RPH3A: variants seen among roughly 807,000 people sequenced by gnomAD.
The protein encoded by RPH3A is rabphilin-3A.
Under a neutral mutation model 102.2 loss-of-function variants are expected in RPH3A, and 48 were observed. The ratio of observed to expected loss-of-function variants is 0.47; its 90% CI spans 0.37 to 0.60. The LOEUF (loss-of-function observed/expected upper bound fraction) is 0.60, where lower values mean the gene tolerates loss of function less well. Among genes scored for constraint, RPH3A ranks in the 20% least tolerant of loss-of-function variants. RPH3A has a pLI of 0.00. For missense variants in RPH3A, 781 were observed against 910.1 expected (o/e 0.86, Z 1.83); for synonymous variants, 310 against 324.3 (o/e 0.96, Z 0.47).
chr12:112,871,264 C>T (rs1274253327), intron 10 of RPH3A, among the ~76,000 whole-genome samples: 3 of 152,172 alleles, frequency 2.0e-5, no homozygotes, highest in Non-Finnish European at 2.9e-5. Context: ...AGTACATTCA[C>T]ACGGTTACAC....
chr12:112,747,334 T>G, intron 1 of RPH3A, among the ~76,000 whole-genome samples: 1 of 152,182 alleles, frequency 6.6e-6, no homozygotes, highest in East Asian at 1.9e-4. Flanking sequence ...GAGGACACAG[T>G]GAAAAGACGG....
chr12:112,651,471 C>A (rs2039974783), intron 1 of RPH3A, among the ~76,000 whole-genome samples: 1 of 152,178 alleles, frequency 6.6e-6, no homozygotes, highest in Non-Finnish European at 1.5e-5. Flanking sequence ...TTAAAAACTT[C>A]ATTATATTAT....
intron 1 of RPH3A, among the ~76,000 whole-genome samples, chr12:112,577,521 T>C (rs113248120): frequency 6.6e-6 from 1 of 152,230 alleles, no homozygotes; most frequent in Admixed American, 6.5e-5. Context: ...TTCTTTACCA[T>C]ATGCTGTTTC....
intron 2 of RPH3A, among the ~76,000 whole-genome samples, chr12:112,809,995 A>G (rs1044965956): frequency 2.0e-5 from 3 of 152,176 alleles, no homozygotes; most frequent in Non-Finnish European, 4.4e-5. Context: ...TCAGTTTTCT[A>G]TGGCTTCGGT....
chr12:112,861,401 A>G (rs918492160), intron 5 of RPH3A, among the ~76,000 whole-genome samples: 4 of 152,166 alleles, frequency 2.6e-5, no homozygotes, highest in African/African-American at 9.7e-5. Context: ...GTAACTGCAT[A>G]TGTGCAGCTT....
intron 1 of RPH3A, among the ~76,000 whole-genome samples, chr12:112,660,809 A>T (rs576698913): frequency 6.6e-6 from 1 of 152,302 alleles, no homozygotes; most frequent in South Asian, 2.1e-4. Flanking sequence ...AGGGGTTCAA[A>T]TCTATGAAGT....
intron 17 of RPH3A, 99 bp downstream of exon 17, chr12:112,888,022 T>C: frequency 2.2e-6 from 3 of 1,392,538 alleles, no homozygotes; most frequent in South Asian, 2.6e-5. Flanking sequence ...CACGGGGTAT[T>C]GGGTAGCAGA....
intron 1 of RPH3A, among the ~76,000 whole-genome samples, chr12:112,671,275 G>GA (rs2040127395): frequency 6.6e-6 from 1 of 152,174 alleles, no homozygotes; most frequent in South Asian, 2.1e-4. Flanking sequence ...GAGAGTCTTG[G>GA]AAAGCAGTCC....
rs76292773 is a variant in RPH3A at position 112,802,685 on chromosome 12, C to T, written c.-19+10422C>T. On this transcript the variant is annotated intron_variant, in intron 2 of 21. Transcript: ENST00000389385. ...TCCCCTGGCTCAGGCTGAGACGTTG[C>T]CCCCCTCTTAAATGGCTACTTCCCA... Among the ~76,000 whole-genome samples, 28 of 151,970 alleles carry T rather than the reference C, an allele frequency of 1.8e-4. No individual in the cohort carries two copies. In the East Asian group the frequency reaches 5.2e-3, roughly 28 times the overall value.
At chr12:112,615,396 C>T (rs1337319216) in intron 1 of RPH3A, among the ~76,000 whole-genome samples, 1 of 152,206 alleles carries the variant, frequency 6.6e-6, no homozygotes, top group African/African-American at 2.4e-5. Flanking sequence ...TTCTCTCAGC[C>T]TCCTGGCACT....
chr12:112,836,523 AT>A, intron 4 of RPH3A, 21 bp downstream of exon 4: 1 of 1,225,514 alleles, frequency 8.2e-7, no homozygotes, highest in Non-Finnish European at 1.1e-6. Flanking sequence ...TATAACACTT[AT>A]TTATTTATTT....
At chr12:112,593,010 C>T (rs1288508235) in intron 1 of RPH3A, among the ~76,000 whole-genome samples, 1 of 152,204 alleles carries the variant, frequency 6.6e-6, no homozygotes, top group Non-Finnish European at 1.5e-5. Flanking sequence ...AACATTATGT[C>T]TCCCTAACTT....
At chr12:112,736,178 A>T (rs2040668082) in intron 1 of RPH3A, among the ~76,000 whole-genome samples, 1 of 152,150 alleles carries the variant, frequency 6.6e-6, no homozygotes, top group African/African-American at 2.4e-5. Flanking sequence ...GCATTGTAAG[A>T]TGTTGTGTAC....
At chr12:112,671,988 T>C (rs997066559) in intron 1 of RPH3A, among the ~76,000 whole-genome samples, 2 of 151,426 alleles carry the variant, frequency 1.3e-5, no homozygotes, top group South Asian at 4.2e-4. Flanking sequence ...TTTATTTAGC[T>C]AATGATTTTT....
intron 1 of RPH3A, among the ~76,000 whole-genome samples, chr12:112,706,915 C>T (rs999869489): frequency 6.6e-5 from 10 of 152,082 alleles, no homozygotes; most frequent in South Asian, 4.2e-4. Flanking sequence ...TGTAGTCTGA[C>T]GAGTCCCTTG....
chr12:112,857,533 C>T (rs934423188), intron 5 of RPH3A, among the ~76,000 whole-genome samples: 21 of 152,160 alleles, frequency 1.4e-4, no homozygotes, highest in Middle Eastern at 3.4e-3. Flanking sequence ...GAGGAAGGGG[C>T]CATGAGCCAA....
Position 112,643,588 on chromosome 12 carries a change from G to A in RPH3A, c.-140+68269G>A, listed in dbSNP as rs542103362. Among the ~76,000 whole-genome samples, 106 of 152,360 alleles carry A rather than the reference G, an allele frequency of 7.0e-4. 3 individuals carry two copies. The highest frequency in any genetic ancestry group is 3.4e-3 in the Middle Eastern group (1 of 294). On this transcript the variant is annotated intron_variant, in intron 1 of 21. Transcript: ENST00000543106. ...AAAATCCAGCCTCACTTTCATCTCAGTGTAAAATTCTATGATTCTAGGCTG... is the reference window on the plus strand; with the variant it reads ...AAAATCCAGCCTCACTTTCATCTCAATGTAAAATTCTATGATTCTAGGCTG...
intron 1 of RPH3A, among the ~76,000 whole-genome samples, chr12:112,665,316 G>C (rs2040076812): frequency 6.6e-6 from 1 of 152,192 alleles, no homozygotes; most frequent in African/African-American, 2.4e-5. Flanking sequence ...CACAGGGAAT[G>C]TCAGCAACAA....
chr12:112,824,951 C>T (rs556550071), intron 2 of RPH3A, among the ~76,000 whole-genome samples: 2 of 152,012 alleles, frequency 1.3e-5, no homozygotes, highest in African/African-American at 2.4e-5. Context: ...CTCCCAGGAT[C>T]TCCAAGGCCA....
Sources: allele counts gnomAD v4.1 joint callset (sites outside exome capture counted in the v4.1 genomes callset), GRCh38; gene constraint gnomAD v4.1.1; transcripts MANE v1.5; gene names NCBI Gene and HGNC (gene_info 2026-07-23, HGNC 2026-07-21).